VWA3B: variants seen among roughly 807,000 people sequenced by gnomAD.
VWA3B encodes the protein von Willebrand factor A domain-containing protein 3B.
A neutral mutation model predicts 158.3 loss-of-function variants in VWA3B; 138 were observed. The ratio of observed to expected loss-of-function variants is 0.87; its 90% confidence interval spans 0.76 to 1.00. The LOEUF (loss-of-function observed/expected upper bound fraction) is 1.00, where lower values mean the gene tolerates loss of function less well. Among genes scored for constraint, VWA3B ranks in the 50% least tolerant of loss-of-function variants. The probability of loss-of-function intolerance (pLI) is 0.00; values close to 1 mark genes in which losing one functional copy is unlikely to be tolerated. For missense variants in VWA3B, 1,555 were observed against 1,565.1 expected, an observed-to-expected ratio of 0.99 and a Z score of 0.11; for synonymous variants, 596 against 587.3, an observed-to-expected ratio of 1.01 and a Z score of -0.21.
At position 98,121,299 on chromosome 2, in the gene VWA3B, G is replaced by A. The variant is rs375261879; in HGVS notation, c.543G>A (p.Arg181=). 5 of 1,612,164 alleles carry A rather than the reference G, an allele frequency of 3.1e-6. No individual in the cohort carries two copies. The East Asian group carries it at 1.1e-4, about 36-fold the overall frequency. Residue 181 remains arginine, a splice_region_variant and synonymous_variant, in exon 5 of 28, where the codon CGG becomes CGA. Transcript: ENST00000477737. ...GACCACTCCATGTGATCCTTTTCAG[G>A]GTTTCTCAAGAGCCTGTGAAGTGGC... ...VAHITEFNII[R]VSQEPVKWQE... is the part of the protein sequence containing the mutation.
intron 2 of VWA3B, among the ~76,000 whole-genome samples, chr2:98,096,758 G>C (rs1226470825): frequency 6.6e-6 from 1 of 152,058 alleles, no homozygotes; most frequent in African/African-American, 2.4e-5. Context: ...TGTGGCATCA[G>C]TTGTAATTTT....
At chr2:98,243,818 C>T (rs1686227177) in intron 19 of VWA3B, among the ~76,000 whole-genome samples, 1 of 152,142 alleles carries the variant, frequency 6.6e-6, no homozygotes, top group Non-Finnish European at 1.5e-5. Context: ...AGCTGTTGCA[C>T]CTACATTCAA....
At chr2:98,204,626 G>C (rs116049011) in intron 12 of VWA3B, among the ~76,000 whole-genome samples, 1,527 of 152,246 alleles carry the variant, frequency 0.01, 8 homozygotes, top group South Asian at 0.022. Flanking sequence ...TATTTGTTGA[G>C]AACTTTTGTG....
chr2:98,145,571 A>ATTTGT (rs1677116003), intron 7 of VWA3B, among the ~76,000 whole-genome samples: 3 of 152,180 alleles, frequency 2.0e-5, no homozygotes, highest in African/African-American at 7.2e-5. Context: ...ACAGTCTTCT[A>ATTTGT]CATCTATTAT....
chr2:98,248,823 T>TTTTCTTTCTTTC (rs55742932), intron 19 of VWA3B, among the ~76,000 whole-genome samples: 28 of 137,812 alleles, frequency 2.0e-4, no homozygotes, highest in Non-Finnish European at 3.8e-4. Context: ...TTCTCTTTCT[T>TTTTCTTTCTTTC]TTTCTTTCTT....
chr2:98,311,872 C>A lies in VWA3B; in HGVS notation c.3575C>A (p.Ala1192Glu), dbSNP rs746793714. The A allele has an allele frequency of 2.5e-6, 4 of 1,612,240 alleles. No homozygotes were observed. Among genetic ancestry groups the A allele is most frequent in the African/African-American group, 1.3e-5 (1 of 74,942 alleles). Residue 1192 changes from alanine to glutamate, a missense_variant, in exon 27 of 28, where the codon GCG becomes GAG. Physicochemically the swap from Ala to Glu is moderately radical, Grantham distance 107. Coordinates refer to ENST00000477737, the MANE Select transcript of VWA3B (RefSeq NM_144992.5). ...TTCCTCTTCTGGCCACTGAAAGAAGCGGACACGCAGGATTCCAGAGAGCCA... is the reference window on the plus strand; with the variant it reads ...TTCCTCTTCTGGCCACTGAAAGAAGAGGACACGCAGGATTCCAGAGAGCCA... ...SAFLFWPLKEADTQDSREPRR... is the reference protein window; with the variant it reads ...SAFLFWPLKEEDTQDSREPRR...
chr2:98,099,023 A>G (rs1221607324), intron 2 of VWA3B, among the ~76,000 whole-genome samples: 3 of 152,130 alleles, frequency 2.0e-5, no homozygotes, highest in South Asian at 2.1e-4. Flanking sequence ...GATATGATTT[A>G]TATCTTTTTC....
At chr2:98,194,268 C>A (rs983303062) in intron 11 of VWA3B, 93 bp from the exon 12 acceptor site, 2 of 1,301,076 alleles carry the variant, frequency 1.5e-6, no homozygotes, top group South Asian at 1.4e-5. Flanking sequence ...AAAATAGAGA[C>A]CATCATGATT....
intron 25 of VWA3B, among the ~76,000 whole-genome samples, chr2:98,301,310 C>CA (rs375015037): frequency 0.011 from 1,560 of 143,616 alleles, 9 homozygotes; most frequent in Non-Finnish European, 0.016. Flanking sequence ...AAAAACAAAA[C>CA]AAAAAAAAAA....
rs558237816 is a variant in VWA3B, at chr2:98,225,817, T to G, written c.2020-2385T>G. Among the ~76,000 whole-genome samples the G allele has an allele frequency of 5.0e-4, 76 of 152,292 alleles. 2 individuals are homozygous for G. The South Asian group carries it at 0.015, about 31-fold the overall frequency. On this transcript the variant is annotated intron_variant, in intron 14 of 27. Transcript: ENST00000477737. ...ACAGTGAGCATGTGGAAGTGAAAAT[T>G]AAATACCCAATACCACTTACAATTG... is the stretch of plus-strand genomic sequence containing the variant.
chr2:98,129,036 T>G (rs1047419404), intron 6 of VWA3B, among the ~76,000 whole-genome samples: 1 of 152,216 alleles, frequency 6.6e-6, no homozygotes, highest in African/African-American at 2.4e-5. Context: ...CATAACAAAT[T>G]GCCACAGGCT....
intron 21 of VWA3B, among the ~76,000 whole-genome samples, chr2:98,264,832 G>A (rs372003014): frequency 7.9e-5 from 12 of 152,008 alleles, no homozygotes; most frequent in African/African-American, 2.9e-4. Context: ...ATACTGGGTT[G>A]CTGTCTATTT....
intron 23 of VWA3B, among the ~76,000 whole-genome samples, chr2:98,293,357 A>G (rs958035117): frequency 6.6e-6 from 1 of 152,234 alleles, no homozygotes; most frequent in African/African-American, 2.4e-5. Flanking sequence ...AATTTTGATT[A>G]GTGTCTAAGT....
chr2:98,119,935 A>T (rs1674840964), intron 4 of VWA3B, among the ~76,000 whole-genome samples, 172 bp downstream of exon 4: 1 of 152,264 alleles, frequency 6.6e-6, no homozygotes, highest in South Asian at 2.1e-4. Context: ...AATAAATCTT[A>T]GGAACTTTTA....
intron 16 of VWA3B, among the ~76,000 whole-genome samples, chr2:98,234,035 G>A (rs1442175003): frequency 1.3e-5 from 2 of 152,222 alleles, no homozygotes; most frequent in African/African-American, 4.8e-5. Flanking sequence ...CATAAGCAAA[G>A]ATCTGGACAG....
intron 1 of VWA3B, among the ~76,000 whole-genome samples, chr2:98,089,755 TGGAG>T (rs1472696537): frequency 6.7e-6 from 1 of 149,610 alleles, no homozygotes; most frequent in Non-Finnish European, 1.5e-5. Flanking sequence ...TACAAAACGC[TGGAG>T]GTAAGATCTG....
chr2:98,172,143 G>A (rs975481585), intron 8 of VWA3B, among the ~76,000 whole-genome samples: 5 of 152,250 alleles, frequency 3.3e-5, no homozygotes, highest in Non-Finnish European at 5.9e-5. Context: ...GAGGCTTTCT[G>A]TATCCTGGGT....
At chr2:98,155,116 G>C (rs955791719) in intron 7 of VWA3B, among the ~76,000 whole-genome samples, 5 of 152,294 alleles carry the variant, frequency 3.3e-5, no homozygotes, top group African/African-American at 4.8e-5. Context: ...TTGATAACCT[G>C]GTGGGCCATC....
chr2:98,131,669 A>G (rs1484090584), intron 6 of VWA3B, among the ~76,000 whole-genome samples: 1 of 152,068 alleles, frequency 6.6e-6, no homozygotes, highest in Non-Finnish European at 1.5e-5. Context: ...TCTTGTTCTT[A>G]AGTGTAGGTG....
Sources: gnomAD v4.1 joint callset for allele counts (sites outside exome capture counted in the v4.1 genomes callset) on GRCh38, gnomAD v4.1.1 for gene constraint, MANE v1.5 for transcripts, NCBI Gene and HGNC (gene_info 2026-07-23, HGNC 2026-07-21) for gene names.